DMD: variants seen among roughly 807,000 people sequenced by gnomAD.
The protein encoded by DMD is mutant dystrophin.
Under a neutral mutation model 330.1 loss-of-function variants are expected in DMD, and 63 were observed. That is an observed-to-expected ratio of 0.19 (90% confidence interval 0.16 to 0.24). The LOEUF is 0.24. Ranked by LOEUF, DMD falls within the 10% of genes least tolerant of loss-of-function variation. The probability of loss-of-function intolerance (pLI) is 1.00; values close to 1 mark genes in which losing one functional copy is unlikely to be tolerated. For synonymous variants in DMD, 1,223 were observed against 959.8 expected, an observed-to-expected ratio of 1.27 and a Z score of -5.07; for missense variants, 3,344 against 2,684.1, an observed-to-expected ratio of 1.25 and a Z score of -5.43.
At chrX:32,469,693 G>A (rs1273306520) in intron 22 of DMD, among the ~76,000 whole-genome samples, 1 of 111,185 alleles carries the variant, frequency 9.0e-6, no homozygotes, top group Non-Finnish European at 1.9e-5. Flanking sequence ...GTTTTAGTGT[G>A]AGCATTTGCC....
At chrX:33,106,086 T>C (rs1193727580) in intron 1 of DMD, among the ~76,000 whole-genome samples, 1 of 107,278 alleles carries the variant, frequency 9.3e-6, no homozygotes, top group Non-Finnish European at 1.9e-5. Context: ...ACACACACCA[T>C]AGAATACTAC....
At chrX:31,922,532 G>A (rs959018391) in intron 47 of DMD, among the ~76,000 whole-genome samples, 1 of 110,310 alleles carries the variant, frequency 9.1e-6, no homozygotes, top group African/African-American at 3.3e-5. Flanking sequence ...GTGTGCGCGC[G>A]CGTGCGCTAG....
chrX:32,468,672 T>A lies in DMD; in HGVS notation c.2988A>T (p.Leu996=). Residue 996 remains leucine, a synonymous_variant, in exon 23 of 79, where the codon CTA becomes CTT. Transcript: ENST00000357033. ...CTTTCACAGTGGTGCTGAGATAGTATAGGCCACTTTGTTGCTCTTGCAGAG... is the reference window on the plus strand; with the variant it reads ...CTTTCACAGTGGTGCTGAGATAGTAAAGGCCACTTTGTTGCTCTTGCAGAG... ...QSSLQEQQSG[L]YYLSTTVKEM... The A allele has an allele frequency of 8.3e-7, 1 of 1,211,421 alleles. No homozygotes were observed. The highest frequency in any genetic ancestry group is 1.1e-6 in the Non-Finnish European group (1 of 895,296).
intron 9 of DMD, among the ~76,000 whole-genome samples, chrX:32,645,660 A>G (rs1350470798): frequency 1.8e-5 from 2 of 111,731 alleles, no homozygotes; most frequent in African/African-American, 6.5e-5. Context: ...CAAAATTTAG[A>G]AAGAAAAAAA....
At chrX:32,887,761 A>AC (rs1374244793) in intron 2 of DMD, among the ~76,000 whole-genome samples, 2 of 101,005 alleles carry the variant, frequency 2.0e-5, no homozygotes, top group East Asian at 3.0e-4. Flanking sequence ...AAAAAAAAAA[A>AC]AAAAAAAAAA....
Position 31,958,096 on chromosome X carries a change from G to GTT in DMD, c.6614+10241_6614+10242dup, listed in dbSNP as rs745655022. On this transcript the variant is annotated intron_variant, in intron 45 of 78. Transcript: ENST00000357033. ...ATAAATGCAGAATGCCATTTGGCCT[G>GTT]TTTTTTTTTTTTTTTTTTTTTTTTA... 3.7e-3 allele frequency among the ~76,000 whole-genome samples: 278 copies of GTT among 74,520 alleles called. 1 individual carries two copies. Among genetic ancestry groups the GTT allele is most frequent in the African/African-American group, 0.011 (208 of 19,233 alleles). 64.7% of individuals were successfully genotyped at this position (74,520 alleles called of 115,157 possible).
At chrX:31,298,347 C>G (rs145540483) in intron 62 of DMD, among the ~76,000 whole-genome samples, 1 of 109,894 alleles carries the variant, frequency 9.1e-6, no homozygotes, top group African/African-American at 3.3e-5. Context: ...AACATAAGTG[C>G]TAGATATGCC....
chrX:31,635,562 A>G (rs1170004882), intron 54 of DMD, among the ~76,000 whole-genome samples: 1 of 111,998 alleles, frequency 8.9e-6, no homozygotes, highest in Non-Finnish European at 1.9e-5. Flanking sequence ...TGGCAAACAC[A>G]CAACAGATTC....
chrX:32,408,293 T>A (rs1373397498), intron 30 of DMD, among the ~76,000 whole-genome samples: 2 of 111,403 alleles, frequency 1.8e-5, no homozygotes, highest in African/African-American at 6.5e-5. Context: ...TTAAATCCAA[T>A]TCAGAATCTG....
At chrX:32,971,732 G>C (rs1361502514) in intron 2 of DMD, among the ~76,000 whole-genome samples, 1 of 110,033 alleles carries the variant, frequency 9.1e-6, no homozygotes, top group Non-Finnish European at 1.9e-5. Flanking sequence ...ATGTTCTATA[G>C]TATTAAAAGA....
chrX:32,221,371 G>C (rs1282851203), intron 43 of DMD, among the ~76,000 whole-genome samples: 1 of 110,265 alleles, frequency 9.1e-6, no homozygotes, highest in Non-Finnish European at 1.9e-5. Flanking sequence ...TTAGTTATCT[G>C]CCCCAAATCA....
intron 13 of DMD, among the ~76,000 whole-genome samples, chrX:32,585,559 G>A (rs371003403): frequency 9.3e-6 from 1 of 107,159 alleles, no homozygotes; most frequent in Non-Finnish European, 1.9e-5. Flanking sequence ...AATTAGCCAG[G>A]CGTGGTGGCA....
chrX:32,796,904 A>C (rs914930149), intron 7 of DMD, among the ~76,000 whole-genome samples: 3 of 112,155 alleles, frequency 2.7e-5, no homozygotes, highest in Non-Finnish European at 5.6e-5. Flanking sequence ...TGACATCAAC[A>C]AAGACTTTAG....
chrX:33,093,121 C>T (rs1262547394), intron 1 of DMD, among the ~76,000 whole-genome samples: 2 of 111,525 alleles, frequency 1.8e-5, no homozygotes, highest in African/African-American at 6.5e-5. Context: ...GTGATCCACC[C>T]GCCTCGGCCT....
intron 48 of DMD, among the ~76,000 whole-genome samples, chrX:31,858,198 C>T (rs907566904): frequency 9.0e-6 from 1 of 111,259 alleles, no homozygotes; most frequent in Non-Finnish European, 1.9e-5. Flanking sequence ...TAAGTGAAAT[C>T]TCAGTATATA....
intron 29 of DMD, among the ~76,000 whole-genome samples, chrX:32,430,882 G>T (rs772838706): frequency 9.0e-5 from 10 of 111,652 alleles, no homozygotes; most frequent in Admixed American, 3.8e-4. Context: ...CAGCGAAATG[G>T]TAGGATTTGC....
chrX:32,480,209 TCACCTTA>T (rs2041703464), intron 21 of DMD, among the ~76,000 whole-genome samples: 1 of 111,889 alleles, frequency 8.9e-6, no homozygotes. Context: ...CAATGATGTG[TCACCTTA>T]CACATGTTAA....
intron 44 of DMD, among the ~76,000 whole-genome samples, chrX:32,106,602 A>G (rs1053297761): frequency 9.0e-6 from 1 of 111,582 alleles, no homozygotes; most frequent in Non-Finnish European, 1.9e-5. Flanking sequence ...CTGCATTTTT[A>G]TCAGGCATTT....
chrX:32,441,555 C>A (rs1372103620), intron 27 of DMD, among the ~76,000 whole-genome samples: 3 of 111,352 alleles, frequency 2.7e-5, no homozygotes, highest in Non-Finnish European at 5.7e-5. Context: ...CAGTAATTTA[C>A]TTTTTAAAAT....
Sources: gnomAD v4.1 joint callset for allele counts (sites outside exome capture counted in the v4.1 genomes callset) on GRCh38, gnomAD v4.1.1 for gene constraint, MANE v1.5 for transcripts, NCBI Gene and HGNC (gene_info 2026-07-23, HGNC 2026-07-21) for gene names.